ZFHX2: variants seen among roughly 807,000 people sequenced by gnomAD.
ZFHX2 encodes the protein zinc finger homeobox protein 2.
ZFHX2 carries 75 observed loss-of-function variants against 164.8 expected under a neutral mutation model. That is an observed-to-expected ratio of 0.46 (90% CI 0.38 to 0.55). The LOEUF is 0.55. Among genes scored for constraint, ZFHX2 ranks in the 20% least tolerant of loss-of-function variants. ZFHX2 has a pLI of 0.00. For synonymous variants in ZFHX2, 1,217 were observed against 1,351.4 expected, an observed-to-expected ratio of 0.90 and a Z score of 2.18; for missense variants, 2,933 against 3,308.0, an observed-to-expected ratio of 0.89 and a Z score of 2.78.
chr14:23,532,842 G>C lies in ZFHX2; in HGVS notation c.2284C>G (p.Leu762Val). 6.5e-7 allele frequency: 1 copy of C among 1,536,426 alleles called. No individual in the cohort carries two copies. The highest frequency in any genetic ancestry group is 8.7e-7 in the Non-Finnish European group (1 of 1,146,990). The change falls in exon 3 of 10, where the codon CTT becomes GTT. Residue 762 changes from leucine to valine, a missense_variant. Physicochemically the swap from Leu to Val is conservative, Grantham distance 32. Transcript: ENST00000419474. ...TTGAGCTGGGTGCCATAGCAGCAAA[G>C]CTTGCAGCGGTGGGTGTCACCAGCC... is the stretch of plus-strand genomic sequence containing the variant. ...EVAGDTHRCK[L>V]CCYGTQLKAN... is the part of the protein sequence containing the mutation.
Position 23,523,507 on chromosome 14 carries a change from G to A in ZFHX2, c.6435C>T (p.Arg2145=). Residue 2145 remains arginine, a synonymous_variant, in exon 9 of 10, where the codon CGC becomes CGT. Coordinates refer to ENST00000419474, the MANE Select transcript of ZFHX2 (RefSeq NM_033400.3). This position sits in a 1 kb window ranked among gnomAD's most constrained non-coding sequence, Gnocchi z 4.1. ...TGACATCACAATAGGGGCAGTCAGT[G>A]CGCTGGGCTGCTAAGAGGCCCTCAC... ...GSSEGLLAAQ[R]TDCPYCDVKY... The A allele has an allele frequency of 2.0e-6, 3 of 1,536,386 alleles. No individual in the cohort carries two copies. Among genetic ancestry groups the A allele is most frequent in the Non-Finnish European group, 2.6e-6 (3 of 1,146,930 alleles).
rs976099141 is a variant in ZFHX2 at position 23,546,696 on chromosome 14, C to T, written c.-50+4647G>A. ...TCTGGGAAAGTGGGTGGTGGGCTGA[C>T]CGAGCTTAGTGTGAGGAGCTCGAGA... On this transcript the variant is annotated intron_variant, in intron 1 of 9. Transcript: ENST00000419474. This position sits in a 1 kb window ranked among gnomAD's most constrained non-coding sequence, Gnocchi z 4.7. Among the ~76,000 whole-genome samples the T allele has an allele frequency of 1.3e-5, 2 of 152,124 alleles. No individual in the cohort carries two copies. Among genetic ancestry groups the T allele is most frequent in the Admixed American group, 6.5e-5 (1 of 15,272 alleles).
At chr14:23,530,907 T>G in intron 4 of ZFHX2, 1 of 217,808 alleles carries the variant, frequency 4.6e-6, no homozygotes, top group South Asian at 6.8e-5. Flanking sequence ...TTGCAGGCTC[T>G]TCTCCTGTAC....
At chr14:23,550,559 C>G (rs940653492) in intron 1 of ZFHX2, among the ~76,000 whole-genome samples, 3 of 152,172 alleles carry the variant, frequency 2.0e-5, no homozygotes, top group Non-Finnish European at 4.4e-5. Context: ...TGAAGAACAG[C>G]AAAACCAAAA....
At chr14:23,554,512 G>A (rs1313422427), upstream of ZFHX2, among the ~76,000 whole-genome samples, 1 of 151,934 alleles carries the variant, frequency 6.6e-6, no homozygotes, top group African/African-American at 2.4e-5. Flanking sequence ...GAGCAGCTGG[G>A]ACCACAGGCA....
At chr14:23,547,764 C>T (rs1425381993) in intron 1 of ZFHX2, among the ~76,000 whole-genome samples, 1 of 152,162 alleles carries the variant, frequency 6.6e-6, no homozygotes, top group Non-Finnish European at 1.5e-5. Context: ...AACTCTTTCC[C>T]CCAGCCTCTC....
chr14:23,552,433 C>G (rs1353025770), upstream of ZFHX2, among the ~76,000 whole-genome samples: 1 of 151,242 alleles, frequency 6.6e-6, no homozygotes, highest in African/African-American at 2.4e-5. Context: ...GCTGGGATTA[C>G]AGGCATGCAT....
Position 23,526,454 on chromosome 14 carries a change from G to A in ZFHX2, c.3488C>T (p.Ala1163Val), listed in dbSNP as rs1237943986. 4 of 1,536,210 alleles carry A rather than the reference G, an allele frequency of 2.6e-6. No individual in the cohort carries two copies. The Admixed American group carries it at 5.9e-5, about 23-fold the overall frequency. The change falls in exon 9 of 10, where the codon GCT becomes GTT. Residue 1163 changes from alanine to valine, a missense_variant. Coordinates refer to ENST00000419474, the MANE Select transcript of ZFHX2 (RefSeq NM_033400.3). ...CAGAGGGTGGCGAGAGTCAGCTGGA[G>A]CTGGCTCTGCAGAGCGGAGCTCCCC... ...TTGELRSAEP[A>V]PADSRHPLTY...
Position 23,525,110 on chromosome 14 carries a change from T to C in ZFHX2, c.4832A>G (p.Gln1611Arg). The C allele has an allele frequency of 6.5e-7, 1 of 1,536,166 alleles. No individual in the cohort carries two copies. ...KFTEFQTQALQSFFETSAYPK... is the reference protein window; with the variant it reads ...KFTEFQTQALRSFFETSAYPK... Reference sequence around the variant, plus strand: ...GTAGGCGCTAGTCTCAAAGAAAGACTGCAGGGCTTGGGTCTGGAACTCTGT... The same window carrying C: ...GTAGGCGCTAGTCTCAAAGAAAGACCGCAGGGCTTGGGTCTGGAACTCTGT... Residue 1611 changes from glutamine (Q) to arginine (R), a missense_variant, in exon 9 of 10, where the codon CAG becomes CGG. Transcript: ENST00000419474. The surrounding 1 kb of genome is among the most constrained non-coding windows in gnomAD (Gnocchi z 5.9).
intron 6 of ZFHX2, among the ~76,000 whole-genome samples, chr14:23,529,205 G>C (rs1879199414): frequency 6.6e-6 from 1 of 152,184 alleles, no homozygotes. Flanking sequence ...TCTGAGTCCT[G>C]GGGATTTAGA....
chr14:23,522,108 G>A lies in ZFHX2; in HGVS notation c.7573C>T (p.Pro2525Ser), dbSNP rs1353312890. The part of the protein sequence containing the change: ...RSSAHRRKAA[P>S]PQGGPPISIT... ...GAGATGGGTGGGCCCCCTTGAGGTG[G>A]GGCTGCCTTGCGCCTGTGGGCCGAG... is the stretch of plus-strand genomic sequence containing the variant. The change falls in exon 10 of 10, where the codon CCA becomes TCA. Residue 2525 changes from proline to serine, a missense_variant. Pro to Ser is a moderately conservative substitution (Grantham distance 74). Transcript: ENST00000419474. 1.9e-5 allele frequency: 29 copies of A among 1,534,730 alleles called. No individual in the cohort carries two copies. The highest frequency in any genetic ancestry group is 2.5e-5 in the Non-Finnish European group (29 of 1,146,106).
chr14:23,545,033 C>A (rs182647499), intron 1 of ZFHX2, among the ~76,000 whole-genome samples: 2 of 152,238 alleles, frequency 1.3e-5, no homozygotes, highest in East Asian at 3.9e-4. Flanking sequence ...CATCACCCTC[C>A]CTTTTTTCTC....
At position 23,525,116 on chromosome 14, in the gene ZFHX2, G is replaced by A; in HGVS notation, c.4826C>T (p.Ala1609Val). The change falls in exon 9 of 10, where the codon GCC (alanine) becomes GTC (valine). Residue 1609 changes from alanine (A) to valine (V), a missense_variant. Physicochemically the swap from Ala to Val is moderately conservative, Grantham distance 64. Transcript: ENST00000419474. This position sits in a 1 kb window ranked among gnomAD's most constrained non-coding sequence, Gnocchi z 5.9. ...GCTAGTCTCAAAGAAAGACTGCAGG[G>A]CTTGGGTCTGGAACTCTGTGAACTT... ...RTKFTEFQTQALQSFFETSAY... is the reference protein window; with the variant it reads ...RTKFTEFQTQVLQSFFETSAY... 6.5e-7 allele frequency: 1 copy of A among 1,536,178 alleles called. No individual in the cohort carries two copies. The highest frequency in any genetic ancestry group is 1.2e-5 in the South Asian group (1 of 84,064).
chr14:23,534,402 G>C lies in ZFHX2; in HGVS notation c.924C>G (p.Asn308Lys), dbSNP rs1216323709. ...ARPSSDIPLD[N>K]SSTVNMEANV... is the part of the protein sequence containing the mutation. ...TCGCCTCCATGTTCACTGTGCTGCT[G>C]TTGTCAAGGGGTATGTCAGAAGAGG... is the stretch of plus-strand genomic sequence containing the variant. Residue 308 changes from asparagine to lysine, a missense_variant, in exon 2 of 10, where the codon AAC becomes AAG. Physicochemically the swap from Asn to Lys is moderately conservative, Grantham distance 94. Coordinates refer to ENST00000419474, the MANE Select transcript of ZFHX2 (RefSeq NM_033400.3). The surrounding 1 kb of genome is among the most constrained non-coding windows in gnomAD (Gnocchi z 4.5). 1 of 1,536,852 alleles carries C rather than the reference G, an allele frequency of 6.5e-7. No individual in the cohort carries two copies. The highest frequency in any genetic ancestry group is 8.7e-7 in the Non-Finnish European group (1 of 1,147,036).
Position 23,524,661 on chromosome 14 carries a change from CCTT to C in ZFHX2, c.5278_5280del (p.Lys1760del). 1 of 1,536,280 alleles carries C rather than the reference CCTT, an allele frequency of 6.5e-7. No homozygotes were observed. The highest frequency in any genetic ancestry group is 8.7e-7 in the Non-Finnish European group (1 of 1,146,906). On this transcript the variant is annotated inframe_deletion, in exon 9 of 10. Transcript: ENST00000419474. The surrounding 1 kb of genome is among the most constrained non-coding windows in gnomAD (Gnocchi z 5.6). Reference sequence around the variant, plus strand: ...TGGGCTGGGGAAGGTGATGGAGTAGCCTTCTCTTCAGGCTCTTTGCCTCCTGCC... The same window carrying C: ...TGGGCTGGGGAAGGTGATGGAGTAGCCTCTTCAGGCTCTTTGCCTCCTGCC...
intron 4 of ZFHX2, chr14:23,530,677 CTAAT>C (rs1424439414): frequency 2.9e-6 from 1 of 341,896 alleles, no homozygotes; most frequent in African/African-American, 2.2e-5. Flanking sequence ...CGGTGGCAGC[CTAAT>C]TAAAGTGTTA....
intron 1 of ZFHX2, among the ~76,000 whole-genome samples, chr14:23,545,317 C>T (rs1881274510): frequency 6.6e-6 from 1 of 152,220 alleles, no homozygotes; most frequent in Non-Finnish European, 1.5e-5. Context: ...GCTTTTCAGC[C>T]CTACTTCTTA....
chr14:23,552,459 A>AT (rs1213581911), upstream of ZFHX2, among the ~76,000 whole-genome samples: 1 of 151,650 alleles, frequency 6.6e-6, no homozygotes, highest in African/African-American at 2.4e-5. Context: ...CACCCAGCTA[A>AT]TTTTTGTATT....
chr14:23,531,950 A>G, intron 3 of ZFHX2: 1 of 417,470 alleles, frequency 2.4e-6, no homozygotes, highest in Non-Finnish European at 3.8e-6. Context: ...TAATTTTTGT[A>G]TTTTTAGTAC....
Sources: allele counts gnomAD v4.1 joint callset (sites outside exome capture counted in the v4.1 genomes callset), GRCh38; gene constraint gnomAD v4.1.1; non-coding constraint Gnocchi (gnomAD v3.1); transcripts MANE v1.5; gene names NCBI Gene and HGNC (gene_info 2026-07-23, HGNC 2026-07-21).